ATRX: variants seen among roughly 807,000 people sequenced by gnomAD.
ATRX encodes the protein chromatin remodeler ATRX.
ATRX carries 12 observed loss-of-function variants against 172.6 expected under a neutral mutation model. The observed-to-expected ratio is 0.07, with a 90% CI of 0.04 to 0.11. The LOEUF is 0.11. Ranked by LOEUF, ATRX falls within the 10% of genes least tolerant of loss-of-function variation. The pLI is 1.00. For synonymous variants in ATRX, 674 were observed against 594.7 expected, an observed-to-expected ratio of 1.13 and a Z score of -1.94; for missense variants, 1,368 against 1,767.4, an observed-to-expected ratio of 0.77 and a Z score of 4.05.
chrX:77,685,612 C>G (rs1340886706), intron 7 of ATRX, among the ~76,000 whole-genome samples: 1 of 111,700 alleles, frequency 9.0e-6, no homozygotes, highest in African/African-American at 3.3e-5. Context: ...AGTACAATCA[C>G]TATAGAAAAC....
intron 30 of ATRX, among the ~76,000 whole-genome samples, chrX:77,534,459 C>T (rs1190920604): frequency 8.9e-6 from 1 of 111,854 alleles, no homozygotes; most frequent in Non-Finnish European, 1.9e-5. Flanking sequence ...ATACACAACA[C>T]AACTGGTGGA....
intron 1 of ATRX, among the ~76,000 whole-genome samples, chrX:77,737,435 A>AAGG (rs1469081981): frequency 1.5e-4 from 6 of 39,171 alleles, no homozygotes; most frequent in African/African-American, 4.3e-4. Flanking sequence ...AAAAAAAAAA[A>AAGG]GGGGGGGGGG....
At chrX:77,646,690 G>T (rs1344272374) in intron 15 of ATRX, among the ~76,000 whole-genome samples, 3 of 111,268 alleles carry the variant, frequency 2.7e-5, no homozygotes, top group Non-Finnish European at 5.7e-5. Flanking sequence ...GGAAGCCAAG[G>T]CAGGAGGATC....
chrX:77,682,165 C>T lies in ATRX; in HGVS notation c.3091G>A (p.Gly1031Ser), dbSNP rs782781078. The change falls in exon 9 of 35, where the codon GGC becomes AGC. Residue 1031 changes from glycine (G) to serine (S), a missense_variant. Coordinates refer to ENST00000373344, the MANE Select transcript of ATRX (RefSeq NM_000489.6). ...GTTCCATTCTTAATTTGTTTTATGC[C>T]CTTAGGAAAATGACAAATTTCTTCT... ...EREEICHFPK[G>S]IKQIKNGTTD... 1.3e-4 allele frequency: 159 copies of T among 1,208,537 alleles called. No homozygotes were observed. Among genetic ancestry groups the T allele is most frequent in the Non-Finnish European group, 1.7e-4 (154 of 894,645 alleles).
chrX:77,574,698 A>G (rs1421332171), intron 27 of ATRX, among the ~76,000 whole-genome samples: 1 of 111,881 alleles, frequency 8.9e-6, no homozygotes, highest in African/African-American at 3.2e-5. Flanking sequence ...GTTTTAAGTT[A>G]TATCTGTAAA....
chrX:77,714,695 G>T (rs1158308480), intron 2 of ATRX, among the ~76,000 whole-genome samples: 1 of 111,377 alleles, frequency 9.0e-6, no homozygotes, highest in Non-Finnish European at 1.9e-5. Flanking sequence ...TAACTAAACA[G>T]ATAATCCTGA....
chrX:77,601,808 C>T (rs1435448394), intron 22 of ATRX, among the ~76,000 whole-genome samples: 3 of 111,770 alleles, frequency 2.7e-5, no homozygotes, highest in African/African-American at 6.5e-5. Context: ...ATTAATAATG[C>T]ATAAAAATCT....
chrX:77,545,164 C>G (rs1167853287), intron 30 of ATRX, among the ~76,000 whole-genome samples: 1 of 112,224 alleles, frequency 8.9e-6, no homozygotes, highest in African/African-American at 3.2e-5. Context: ...GGCTGCATAC[C>G]AGCACTGTTC....
chrX:77,578,259 A>G (rs1006165754), intron 27 of ATRX, among the ~76,000 whole-genome samples: 2 of 111,614 alleles, frequency 1.8e-5, no homozygotes, highest in South Asian at 3.8e-4. Context: ...GGCAAGTCCT[A>G]GTGCTGTAAA....
At chrX:77,641,448 G>A (rs1256868831) in intron 15 of ATRX, among the ~76,000 whole-genome samples, 4 of 109,671 alleles carry the variant, frequency 3.6e-5, no homozygotes, top group African/African-American at 1.3e-4. Context: ...GGGCATGGTG[G>A]CACACGCCTG....
At chrX:77,734,212 CA>C (rs2074433111) in intron 1 of ATRX, among the ~76,000 whole-genome samples, 1 of 22,901 alleles carries the variant, frequency 4.4e-5, no homozygotes, top group Non-Finnish European at 1.3e-4. Flanking sequence ...GTCTCAAATA[CA>C]TACATACATA....
At chrX:77,573,926 C>T (rs1225536053) in intron 28 of ATRX, among the ~76,000 whole-genome samples, 3 of 111,415 alleles carry the variant, frequency 2.7e-5, no homozygotes, top group South Asian at 3.7e-4. Context: ...AAATGTCCCT[C>T]AAGTGGAAGT....
At chrX:77,601,701 T>C (rs1474092246) in intron 22 of ATRX, among the ~76,000 whole-genome samples, 2 of 111,649 alleles carry the variant, frequency 1.8e-5, no homozygotes, top group Non-Finnish European at 3.8e-5. Context: ...AGCAATAACA[T>C]ATTTTCCTAT....
intron 1 of ATRX, among the ~76,000 whole-genome samples, chrX:77,777,363 A>G (rs1319619361): frequency 9.2e-6 from 1 of 108,960 alleles, no homozygotes; most frequent in East Asian, 2.8e-4. Flanking sequence ...CCTGGGCGAC[A>G]GAGCAAGACT....
chrX:77,646,219 G>A (rs1557113559), intron 15 of ATRX, among the ~76,000 whole-genome samples: 1 of 111,472 alleles, frequency 9.0e-6, no homozygotes, highest in Non-Finnish European at 1.9e-5. Flanking sequence ...TCTAAAAAAG[G>A]TTCGCTTTAG....
chrX:77,698,867 A>G lies in ATRX; in HGVS notation c.134-238T>C. ...CTGTAAAGATTACTTTGGTATAAAA[A>G]CATTTCCTGTTGTAGTTTATAAATA... is the stretch of plus-strand genomic sequence containing the variant. On this transcript the variant is annotated intron_variant, in intron 2 of 34. Transcript: ENST00000373344. The G allele has an allele frequency of 4.7e-6, 2 of 423,372 alleles. 1 individual carries two copies. The highest frequency in any genetic ancestry group is 6.2e-5 in the Admixed American group (2 of 32,006). The allele number at this position is 423,372 out of a possible 1,213,427, so 34.9% of individuals were successfully genotyped here. A position where few individuals can be genotyped will look rare whatever the true frequency, so the allele number is the denominator to read the frequency against.
chrX:77,621,829 C>T (rs994744432), intron 19 of ATRX, among the ~76,000 whole-genome samples: 1 of 110,102 alleles, frequency 9.1e-6, no homozygotes, highest in East Asian at 2.8e-4. Context: ...TCAGTTGGGG[C>T]TACACAAATA....
At chrX:77,581,323 A>C (rs916212642) in intron 27 of ATRX, among the ~76,000 whole-genome samples, 3 of 111,643 alleles carry the variant, frequency 2.7e-5, no homozygotes, top group Non-Finnish European at 5.7e-5. Context: ...ACAAGAACAC[A>C]CTTCACCTGT....
At chrX:77,644,668 A>G (rs2068820016) in intron 15 of ATRX, among the ~76,000 whole-genome samples, 1 of 110,245 alleles carries the variant, frequency 9.1e-6, no homozygotes, top group African/African-American at 3.3e-5. Context: ...CAGAAGAATC[A>G]GTGAATATGA....
Sources: allele counts gnomAD v4.1 joint callset (sites outside exome capture counted in the v4.1 genomes callset), GRCh38; gene constraint gnomAD v4.1.1; transcripts MANE v1.5; gene names NCBI Gene and HGNC (gene_info 2026-07-23, HGNC 2026-07-21).